Variants in SKAP1 observed in about 807,000 individuals in gnomAD.
The protein encoded by SKAP1 is src kinase associated phosphoprotein 1.
In SKAP1, 44 loss-of-function variants were observed where a neutral mutation model predicts 58.5. The ratio of observed to expected loss-of-function variants is 0.75; its 90% CI spans 0.59 to 0.97. SKAP1 has a LOEUF of 0.97. Among genes scored for constraint, SKAP1 ranks in the 50% least tolerant of loss-of-function variants. The probability of loss-of-function intolerance (pLI) is 0.00; values close to 1 mark genes in which losing one functional copy is unlikely to be tolerated. For missense variants in SKAP1, 390 were observed against 435.2 expected (o/e 0.90, Z 0.92); for synonymous variants, 127 against 149.7 (o/e 0.85, Z 1.11).
intron 2 of SKAP1, among the ~76,000 whole-genome samples, chr17:48,373,082 C>T (rs950976409): frequency 6.6e-6 from 1 of 152,206 alleles, no homozygotes; most frequent in Admixed American, 6.5e-5. Context: ...TCCATTTTCA[C>T]ACTGCTATAA....
chr17:48,235,374 A>C (rs1331358568), intron 4 of SKAP1, among the ~76,000 whole-genome samples: 3 of 152,184 alleles, frequency 2.0e-5, no homozygotes, highest in Admixed American at 6.5e-5. Flanking sequence ...ATAAAGTAAC[A>C]AATTGTCCTA....
chr17:48,444,799 C>A, the SKAP1 span, among the ~76,000 whole-genome samples: 4 of 152,050 alleles, frequency 2.6e-5, no homozygotes, highest in African/African-American at 9.7e-5. Context: ...GCCCAGTCCA[C>A]CGGAAGTGAA....
intron 4 of SKAP1, among the ~76,000 whole-genome samples, chr17:48,284,396 A>G (rs2065804811): frequency 1.3e-5 from 2 of 152,170 alleles, no homozygotes; most frequent in South Asian, 4.1e-4. Context: ...ACTGTTTGCC[A>G]TTTTAGCATA....
chr17:48,246,688 C>G (rs1215309374), intron 4 of SKAP1, among the ~76,000 whole-genome samples: 1 of 152,172 alleles, frequency 6.6e-6, no homozygotes, highest in Non-Finnish European at 1.5e-5. Context: ...GGTCTCCTAA[C>G]AGTGCAGAGA....
chr17:48,239,838 GAGAGAGAGAGAC>G (rs1372014252), intron 4 of SKAP1, among the ~76,000 whole-genome samples: 2 of 96,178 alleles, frequency 2.1e-5, no homozygotes, highest in Non-Finnish European at 4.8e-5. Flanking sequence ...ATGAGAGAGA[GAGAGAGAGAGAC>G]AGAGAGAGAG....
chr17:48,391,762 C>T (rs570947485), intron 2 of SKAP1, among the ~76,000 whole-genome samples: 22 of 147,886 alleles, frequency 1.5e-4, no homozygotes, highest in Admixed American at 1.2e-3. Context: ...TAAACTTAGA[C>T]GGATCATTCA....
chr17:48,189,489 T>C lies in SKAP1; in HGVS notation c.292A>G (p.Ile98Val), dbSNP rs1036659799. 3.1e-6 allele frequency: 5 copies of C among 1,612,302 alleles called. No homozygotes were observed. The highest frequency in any genetic ancestry group is 1.6e-4 in the Middle Eastern group (1 of 6,078). ...TCAAGTTCTTGAGCTCCTTTTACGA[T>C]GTCTTCCATTCCTAAAAGGACCAAT... Reference protein sequence around the residue: ...SDYQDEGMEDIVKGAQELDNV... With the variant: ...SDYQDEGMEDVVKGAQELDNV... The change falls in exon 5 of 13, where the codon ATC (isoleucine) becomes GTC (valine). Residue 98 changes from isoleucine to valine, a missense_variant. Ile to Val is a conservative substitution (Grantham distance 29, BLOSUM62 3). Coordinates refer to ENST00000336915, the MANE Select transcript of SKAP1 (RefSeq NM_003726.4).
chr17:48,367,650 G>A (rs2067026604), intron 2 of SKAP1, among the ~76,000 whole-genome samples: 1 of 138,260 alleles, frequency 7.2e-6, no homozygotes, highest in African/African-American at 2.5e-5. Flanking sequence ...AGGTGTGGTG[G>A]CTCACACCTG....
intron 4 of SKAP1, among the ~76,000 whole-genome samples, chr17:48,267,609 A>G (rs1240529485): frequency 1.3e-5 from 2 of 152,176 alleles, no homozygotes; most frequent in Non-Finnish European, 2.9e-5. Context: ...CCATTTTTTT[A>G]AAAGAGCAAA....
chr17:48,331,802 G>T (rs1192245090), intron 4 of SKAP1, among the ~76,000 whole-genome samples: 2 of 152,006 alleles, frequency 1.3e-5, no homozygotes, highest in Non-Finnish European at 2.9e-5. Context: ...GCCATATATG[G>T]CTTTTTTAGT....
intron 10 of SKAP1, among the ~76,000 whole-genome samples, chr17:48,170,373 G>A (rs182846759): frequency 7.9e-5 from 12 of 152,270 alleles, no homozygotes; most frequent in Admixed American, 3.3e-4. Flanking sequence ...CTTCCCACCC[G>A]CTCTAGGATA....
chr17:48,416,643 G>C (rs1291686644), intron 1 of SKAP1, among the ~76,000 whole-genome samples: 1 of 152,180 alleles, frequency 6.6e-6, no homozygotes, highest in East Asian at 1.9e-4. Context: ...TTTCATTCTA[G>C]GGTATCTGAG....
chr17:48,184,935 G>A, intron 6 of SKAP1, 88 bp from the exon 7 acceptor site: 1 of 1,338,922 alleles, frequency 7.5e-7, no homozygotes. Context: ...TAAAAGCACA[G>A]AAACAGCTGT....
intron 2 of SKAP1, among the ~76,000 whole-genome samples, chr17:48,379,682 C>CTTT (rs397856911): frequency 1.5e-4 from 19 of 124,048 alleles, no homozygotes; most frequent in African/African-American, 2.9e-4. Context: ...GTATCTTCTT[C>CTTT]TTTTTTTTTT....
intron 4 of SKAP1, among the ~76,000 whole-genome samples, chr17:48,219,574 G>T (rs1159587904): frequency 6.6e-6 from 1 of 152,196 alleles, no homozygotes; most frequent in Non-Finnish European, 1.5e-5. Flanking sequence ...GCAAAAACAA[G>T]TACAGCTGTC....
At chr17:48,420,118 C>T (rs2067777008) in intron 1 of SKAP1, among the ~76,000 whole-genome samples, 1 of 152,106 alleles carries the variant, frequency 6.6e-6, no homozygotes, top group African/African-American at 2.4e-5. Context: ...ACAGGGGAAA[C>T]AAATATGAAT....
chr17:48,169,245 A>T (rs1483580990), intron 10 of SKAP1, among the ~76,000 whole-genome samples: 1 of 152,156 alleles, frequency 6.6e-6, no homozygotes, highest in African/African-American at 2.4e-5. Flanking sequence ...CTGAAACTGG[A>T]TTCTAGACTT....
intron 11 of SKAP1, among the ~76,000 whole-genome samples, chr17:48,157,820 C>T (rs2064000708): frequency 6.6e-6 from 1 of 151,760 alleles, no homozygotes. Context: ...TGAGCCACCA[C>T]ACCTAGCCAC....
At chr17:48,231,725 C>G (rs1280555701) in intron 4 of SKAP1, 1 of 152,116 alleles carries the variant, frequency 6.6e-6, no homozygotes, top group African/African-American at 2.4e-5. Flanking sequence ...AGAGCCTCCA[C>G]CTCCCCAGCC....
Sources: allele counts gnomAD v4.1 joint callset (sites outside exome capture counted in the v4.1 genomes callset), GRCh38; gene constraint gnomAD v4.1.1; transcripts MANE v1.5; gene names NCBI Gene and HGNC (gene_info 2026-07-23, HGNC 2026-07-21).